Variants in SETD3 observed in about 807,000 individuals in gnomAD.
The protein encoded by SETD3 is actin-histidine N-methyltransferase.
SETD3 carries 19 observed loss-of-function variants against 63.0 expected under a neutral mutation model. The observed-to-expected ratio is 0.30, with a 90% CI of 0.21 to 0.44. The LOEUF (loss-of-function observed/expected upper bound fraction) is 0.44. Among genes scored for constraint, SETD3 ranks in the 20% least tolerant of loss-of-function variants. The pLI is 1.00. For missense variants in SETD3, 587 were observed against 728.5 expected (o/e 0.81, Z 2.24); for synonymous variants, 286 against 264.1 (o/e 1.08, Z -0.80).
At chr14:99,407,357 C>T (rs915009446) in intron 8 of SETD3, among the ~76,000 whole-genome samples, 1 of 152,206 alleles carries the variant, frequency 6.6e-6, no homozygotes. Context: ...ACCTGGTCAG[C>T]ATTTCATCTT....
rs1186203129 is a variant in SETD3, at chr14:99,480,838, G to C, written c.-119C>G. ...GCGGTGGCGGCGGCGGCGGCCGGACGGGAGGGGCGGGACGGCAGCCTGAGA... is the reference window on the plus strand; with the variant it reads ...GCGGTGGCGGCGGCGGCGGCCGGACCGGAGGGGCGGGACGGCAGCCTGAGA... On this transcript the variant is annotated 5_prime_UTR_variant, in exon 1 of 13. Coordinates refer to ENST00000331768, the MANE Select transcript of SETD3 (RefSeq NM_032233.3). 6.2e-6 allele frequency: 1 copy of C among 161,114 alleles called. No individual in the cohort carries two copies. Among genetic ancestry groups the C allele is most frequent in the Non-Finnish European group, 1.3e-5 (1 of 76,006 alleles). 10.0% of individuals were successfully genotyped at this position (161,114 alleles called of 1,614,324 possible).
chr14:99,405,799 GCAGTATCTGT>G (rs1413499643), intron 9 of SETD3, among the ~76,000 whole-genome samples: 3 of 152,180 alleles, frequency 2.0e-5, no homozygotes, highest in African/African-American at 7.2e-5. Flanking sequence ...GAACTGTAAA[GCAGTATCTGT>G]CAGAAACTTA....
In SETD3 at chr14:99,400,221, CA is replaced by C; in HGVS notation, c.1215del (p.Ile405MetfsTer34). ...LKEHLLGDSA[I>X]DRIFTLGNSE... is the part of the protein sequence containing the mutation. ...GAGTTCCCCAAGGTGAAGATTCTAT[CA>C]ATAGCGCTGTCTCCCAGCAAGTGTT... On this transcript the variant is annotated frameshift_variant, in exon 12 of 13. Transcript: ENST00000331768. LOFTEE classifies it high-confidence loss of function. The C allele has an allele frequency of 6.2e-7, 1 of 1,613,852 alleles. No individual in the cohort carries two copies. The highest frequency in any genetic ancestry group is 8.5e-7 in the Non-Finnish European group (1 of 1,179,920).
At chr14:99,461,585 A>G (rs1895064553) in intron 3 of SETD3, among the ~76,000 whole-genome samples, 1 of 152,220 alleles carries the variant, frequency 6.6e-6, no homozygotes, top group South Asian at 2.1e-4. Context: ...AGGTAATATA[A>G]ATATTGACTA....
Position 99,413,921 on chromosome 14 carries a change from G to C in SETD3, c.689C>G (p.Ala230Gly), listed in dbSNP as rs758680613. The change falls in exon 7 of 13, where the codon GCC becomes GGC. Residue 230 changes from alanine to glycine, a missense_variant. Ala to Gly is a moderately conservative substitution (Grantham distance 60). Transcript: ENST00000331768. ...FYKVIQTHPH[A>G]NKLPLKDSFT... ...AGAATCCTTCAAGGGTAGTTTGTTG[G>C]CATGAGGATGGGTCTGGGAATTAGA... 4.3e-6 allele frequency: 7 copies of C among 1,614,064 alleles called. No homozygotes were observed. The Admixed American group carries it at 1.2e-4, about 27-fold the overall frequency.
At chr14:99,427,627 C>T (rs1892953382) in intron 6 of SETD3, among the ~76,000 whole-genome samples, 1 of 152,164 alleles carries the variant, frequency 6.6e-6, no homozygotes, top group Non-Finnish European at 1.5e-5. Flanking sequence ...AGCTTCAGAG[C>T]CACTTTAATC....
rs764952661 is a variant in SETD3, at chr14:99,461,354, C to A, written c.197-14G>T. ...TAACGGACAGACCTATATTAATCCA[C>A]GTTTTAGAAAACAAGAGCTACTTTT... On this transcript the variant is annotated splice_polypyrimidine_tract_variant and intron_variant, in intron 3 of 12. Coordinates refer to ENST00000331768, the MANE Select transcript of SETD3 (RefSeq NM_032233.3). 6.3e-5 allele frequency: 101 copies of A among 1,604,414 alleles called. No individual in the cohort carries two copies. The Admixed American group carries it at 1.7e-3, about 27-fold the overall frequency.
rs1804113175 is a variant in SETD3, at chr14:99,458,506, G to C, written c.448C>G (p.Gln150Glu). ...GCCAGTGCGATGTTTCCCATGGCTT[G>C]AAGGATTCGGTCTTGAGAATATAAG... is the stretch of plus-strand genomic sequence containing the variant. ...GPLYSQDRIL[Q>E]AMGNIALAFH... The change falls in exon 6 of 13, where the codon CAA (glutamine) becomes GAA (glutamate). Residue 150 changes from glutamine to glutamate, a missense_variant. Coordinates refer to ENST00000331768, the MANE Select transcript of SETD3 (RefSeq NM_032233.3). 1 of 1,614,064 alleles carries C rather than the reference G, an allele frequency of 6.2e-7. No homozygotes were observed. Among genetic ancestry groups the C allele is most frequent in the Non-Finnish European group, 8.5e-7 (1 of 1,180,034 alleles).
At chr14:99,448,609 C>T (rs1894272931) in intron 6 of SETD3, among the ~76,000 whole-genome samples, 1 of 152,134 alleles carries the variant, frequency 6.6e-6, no homozygotes, top group South Asian at 2.1e-4. Flanking sequence ...AGATTCACGG[C>T]TCATCAACCT....
chr14:99,409,295 G>A (rs1446209016), intron 8 of SETD3, among the ~76,000 whole-genome samples: 1 of 152,100 alleles, frequency 6.6e-6, no homozygotes, highest in Admixed American at 6.6e-5. Flanking sequence ...AAAGACACAG[G>A]GAGAAAAAAA....
At chr14:99,485,977 GTATATATGTA>G in the SETD3 span, among the ~76,000 whole-genome samples, 4 of 152,282 alleles carry the variant, frequency 2.6e-5, 1 homozygote, top group South Asian at 8.3e-4. Context: ...ATTTATATGT[GTATATATGTA>G]TTTTCTTGAA....
At chr14:99,476,843 T>G (rs1416823177) in intron 1 of SETD3, among the ~76,000 whole-genome samples, 1 of 152,174 alleles carries the variant, frequency 6.6e-6, no homozygotes, top group Non-Finnish European at 1.5e-5. Context: ...TAAACCTAAG[T>G]GTATATTTTA....
At chr14:99,442,605 T>C (rs947543037) in intron 6 of SETD3, among the ~76,000 whole-genome samples, 2 of 152,236 alleles carry the variant, frequency 1.3e-5, no homozygotes, top group African/African-American at 4.8e-5. Flanking sequence ...CTCCCACTAA[T>C]GAATAGGAAA....
intron 6 of SETD3, among the ~76,000 whole-genome samples, chr14:99,414,658 G>C (rs1173698526): frequency 6.6e-6 from 1 of 152,156 alleles, no homozygotes; most frequent in African/African-American, 2.4e-5. Flanking sequence ...AAATTATATA[G>C]ATTTCATATT....
chr14:99,399,623 A>C (rs1410580945), intron 12 of SETD3, among the ~76,000 whole-genome samples: 1 of 152,226 alleles, frequency 6.6e-6, no homozygotes, highest in Non-Finnish European at 1.5e-5. Flanking sequence ...TTAAAAATGT[A>C]TCTTCTAATA....
rs1895331150 is a variant in SETD3, at chr14:99,465,725, G to A, written c.81C>T (p.Asn27=). Reference sequence around the variant, plus strand: ...TACTCTGCAGCAGCTCACTGGTCAGGTTCAAGATTTCCTTTGGTGACACAG... The same window carrying A: ...TACTCTGCAGCAGCTCACTGGTCAGATTCAAGATTTCCTTTGGTGACACAG... ...TATVSPKEIL[N]LTSELLQKCS... Residue 27 remains asparagine, a synonymous_variant, in exon 2 of 13, where the codon AAC becomes AAT. Transcript: ENST00000331768. The A allele has an allele frequency of 6.2e-7, 1 of 1,613,864 alleles. No homozygotes were observed. Among genetic ancestry groups the A allele is most frequent in the African/African-American group, 1.3e-5 (1 of 74,918 alleles).
At chr14:99,473,238 T>C (rs1251141833) in intron 1 of SETD3, among the ~76,000 whole-genome samples, 2 of 152,226 alleles carry the variant, frequency 1.3e-5, no homozygotes, top group East Asian at 3.8e-4. Context: ...AATCGTGGAA[T>C]AAATGGGTCA....
intron 1 of SETD3, among the ~76,000 whole-genome samples, chr14:99,469,471 T>C (rs1895576498): frequency 6.6e-6 from 1 of 152,254 alleles, no homozygotes; most frequent in African/African-American, 2.4e-5. Context: ...AGGCTGGGCG[T>C]AGTGGCTCAT....
chr14:99,413,833 A>C, intron 7 of SETD3, 43 bp downstream of exon 7: 145 of 1,599,180 alleles, frequency 9.1e-5, no homozygotes, highest in Non-Finnish European at 1.2e-4. Flanking sequence ...CTTCACTTAG[A>C]AACCACCCTC....
Sources: gnomAD v4.1 joint callset for allele counts (sites outside exome capture counted in the v4.1 genomes callset) on GRCh38, gnomAD v4.1.1 for gene constraint, MANE v1.5 for transcripts, NCBI Gene and HGNC (gene_info 2026-07-23, HGNC 2026-07-21) for gene names.